The following ZNF385D variants were observed in gnomAD, a reference collection of about 807,000 sequenced individuals.
The protein encoded by ZNF385D is zinc finger protein 659.
A neutral mutation model predicts 35.8 loss-of-function variants in ZNF385D; 15 were observed. The observed-to-expected ratio is 0.42, with a 90% CI of 0.28 to 0.64. The LOEUF (loss-of-function observed/expected upper bound fraction) is 0.64. Ranked by LOEUF, ZNF385D falls within the 30% of genes least tolerant of loss-of-function variation. The pLI, the probability that ZNF385D is intolerant of heterozygous loss-of-function variation, is 0.23. For synonymous variants in ZNF385D, 212 were observed against 186.8 expected (o/e 1.13, Z -1.10); for missense variants, 474 against 494.6 (o/e 0.96, Z 0.39).
At chr3:21,879,822 C>A (rs1420172483) in intron 3 of ZNF385D, among the ~76,000 whole-genome samples, 1 of 151,854 alleles carries the variant, frequency 6.6e-6, no homozygotes, top group Non-Finnish European at 1.5e-5. Context: ...TAAGGTCATC[C>A]CTTTAATATT....
intron 3 of ZNF385D, among the ~76,000 whole-genome samples, chr3:21,981,241 C>A (rs1241224171): frequency 6.6e-6 from 1 of 152,132 alleles, no homozygotes; most frequent in Admixed American, 6.6e-5. Context: ...TACTTTTTCA[C>A]TTTTTAATAA....
At chr3:21,990,608 CTT>C (rs1250652847) in intron 3 of ZNF385D, among the ~76,000 whole-genome samples, 1 of 152,082 alleles carries the variant, frequency 6.6e-6, no homozygotes, top group African/African-American at 2.4e-5. Context: ...TAAATTATAA[CTT>C]TCTCTAAATA....
chr3:22,273,817 G>C lies in ZNF385D; in HGVS notation c.106+98633C>G, dbSNP rs373882153. Among the ~76,000 whole-genome samples, 6 of 151,876 alleles carry C rather than the reference G, an allele frequency of 4.0e-5. No homozygotes were observed. In the East Asian group the frequency reaches 5.8e-4, roughly 15 times the overall value. ...ACTGAACTTCTACTGGACCAGCAGA[G>C]GTTACATACAATTTGCACAATTATA... On this transcript the variant is annotated intron_variant, in intron 2 of 5. Coordinates refer to the ZNF385D transcript ENST00000494108.
chr3:21,625,683 T>A (rs897940548), intron 2 of ZNF385D, among the ~76,000 whole-genome samples: 6 of 152,126 alleles, frequency 3.9e-5, no homozygotes, highest in African/African-American at 1.4e-4. Flanking sequence ...AAAAGTCATA[T>A]AGCTCCTATT....
At chr3:21,825,524 G>C (rs1174257589) in intron 3 of ZNF385D, among the ~76,000 whole-genome samples, 2 of 121,326 alleles carry the variant, frequency 1.6e-5, no homozygotes, top group African/African-American at 3.1e-5. Flanking sequence ...GGTTCTTTCA[G>C]TGGCTTACAA....
In ZNF385D at chr3:21,981,820, GT is replaced by G. The variant is rs1225943201; in HGVS notation, c.325+186996del. On this transcript the variant is annotated intron_variant, in intron 3 of 5. Coordinates refer to the ZNF385D transcript ENST00000494108. ...CCCAGCACCATTTATTGAATAAGAA[GT>G]CTTTTCACCATTACTTGTTTTTGTC... 1.6e-4 allele frequency among the ~76,000 whole-genome samples: 24 copies of G among 152,138 alleles called. 1 individual carries two copies. The highest frequency in any genetic ancestry group is 4.8e-4 in the African/African-American group (20 of 41,552).
intron 2 of ZNF385D, among the ~76,000 whole-genome samples, chr3:22,215,544 G>A (rs567004111): frequency 4.6e-5 from 7 of 151,982 alleles, no homozygotes; most frequent in East Asian, 3.9e-4. Context: ...GGAAATTCCC[G>A]CCTAATAAAT....
chr3:22,324,689 T>C (rs1048907496), intron 2 of ZNF385D, among the ~76,000 whole-genome samples: 5 of 152,128 alleles, frequency 3.3e-5, no homozygotes, highest in Non-Finnish European at 5.9e-5. Flanking sequence ...GACAAGCTAA[T>C]TCTAAAATGC....
At chr3:22,159,074 G>C (rs1028506608) in intron 3 of ZNF385D, among the ~76,000 whole-genome samples, 34 of 151,384 alleles carry the variant, frequency 2.2e-4, no homozygotes, top group Non-Finnish European at 1.0e-4. Context: ...AACTGAAAGA[G>C]GTAAAAGATG....
chr3:21,880,588 C>A (rs558459735), intron 3 of ZNF385D, among the ~76,000 whole-genome samples: 1 of 152,028 alleles, frequency 6.6e-6, no homozygotes, highest in Admixed American at 6.6e-5. Flanking sequence ...TCCCCTGAGA[C>A]AAAATAATGT....
intron 2 of ZNF385D, among the ~76,000 whole-genome samples, chr3:22,318,529 CTGAT>C (rs1704026690): frequency 6.6e-6 from 1 of 152,082 alleles, no homozygotes; most frequent in Admixed American, 6.5e-5. Flanking sequence ...ACAAATGTTT[CTGAT>C]TGAGAGAGGA....
intron 3 of ZNF385D, among the ~76,000 whole-genome samples, chr3:21,758,344 G>A (rs4355302): frequency 0.68 from 102,824 of 152,008 alleles, 35,895 homozygotes; most frequent in East Asian, 0.9. Flanking sequence ...ATTGGAACAT[G>A]CCATTAACAT....
chr3:21,853,107 C>T (rs998774763), intron 3 of ZNF385D, among the ~76,000 whole-genome samples: 2 of 151,570 alleles, frequency 1.3e-5, no homozygotes, highest in Non-Finnish European at 3.0e-5. Flanking sequence ...AGTGTGTGAT[C>T]AAACTAAACA....
At chr3:21,918,958 A>C (rs1700324179) in intron 3 of ZNF385D, among the ~76,000 whole-genome samples, 1 of 152,166 alleles carries the variant, frequency 6.6e-6, no homozygotes, top group Admixed American at 6.5e-5. Context: ...GAAAATATTC[A>C]AATCCTTTCT....
chr3:22,184,428 A>C (rs752402362), intron 2 of ZNF385D, among the ~76,000 whole-genome samples: 2 of 152,150 alleles, frequency 1.3e-5, no homozygotes, highest in African/African-American at 2.4e-5. Flanking sequence ...GGCAGATCTC[A>C]AATCTTCAAT....
intron 1 of ZNF385D, among the ~76,000 whole-genome samples, chr3:21,681,698 G>GAAA (rs5847124): frequency 1.1e-3 from 141 of 133,202 alleles, no homozygotes; most frequent in African/African-American, 2.7e-3. Flanking sequence ...AAAAAAAAAC[G>GAAA]AAAAAAAAAA....
chr3:21,463,479 C>T (rs1263141412), intron 4 of ZNF385D, among the ~76,000 whole-genome samples: 2 of 152,224 alleles, frequency 1.3e-5, no homozygotes, highest in East Asian at 3.9e-4. Flanking sequence ...CGGTTGAGCC[C>T]CAGGTGGAGG....
intron 2 of ZNF385D, among the ~76,000 whole-genome samples, chr3:22,226,340 T>C (rs966262075): frequency 6.0e-4 from 92 of 152,098 alleles, no homozygotes; most frequent in African/African-American, 1.9e-3. Context: ...CTTAGAGTCA[T>C]AAACAGACAA....
intron 1 of ZNF385D, among the ~76,000 whole-genome samples, chr3:21,673,114 C>G (rs1343257908): frequency 6.6e-6 from 1 of 152,000 alleles, no homozygotes; most frequent in Non-Finnish European, 1.5e-5. Context: ...AAATTTCCCT[C>G]CAGAGGAATT....
Sources: allele counts gnomAD v4.1 joint callset (sites outside exome capture counted in the v4.1 genomes callset), GRCh38; gene constraint gnomAD v4.1.1; transcripts MANE v1.5; gene names NCBI Gene and HGNC (gene_info 2026-07-23, HGNC 2026-07-21).